Variants in TRIM48 observed in about 807,000 individuals in gnomAD.
TRIM48 encodes tripartite motif containing 48, also known as E3 ubiquitin-protein ligase TRIM48.
Under a neutral mutation model 29.5 loss-of-function variants are expected in TRIM48, and 31 were observed. That is an observed-to-expected ratio of 1.05 (90% CI 0.79 to 1.42). The LOEUF (loss-of-function observed/expected upper bound fraction) is 1.42. TRIM48 is among the 40% of genes most tolerant of loss of function. The pLI is 0.00. For missense variants in TRIM48, 344 were observed against 265.0 expected, an observed-to-expected ratio of 1.30 and a Z score of -2.07; for synonymous variants, 128 against 90.6, an observed-to-expected ratio of 1.41 and a Z score of -2.34.
chr11:55,271,089 T>C lies in TRIM48; in HGVS notation c.*654T>C, dbSNP rs1374165158. 5.7e-6 allele frequency: 6 copies of C among 1,052,282 alleles called. 1 individual carries two copies. The highest frequency in any genetic ancestry group is 4.9e-5 in the African/African-American group (3 of 61,168). The allele number at this position is 1,052,282 out of a possible 1,614,324, so 65.2% of individuals were successfully genotyped here. A position where few individuals can be genotyped will look rare whatever the true frequency, so the allele number is the denominator to read the frequency against. On this transcript the variant is annotated 3_prime_UTR_variant, in exon 6 of 6. Coordinates refer to ENST00000417545, the MANE Select transcript of TRIM48 (RefSeq NM_024114.5). ...TATTAAAACTCATTTATTGTGTTAC[T>C]ATTAAATGTAGTAAAAACACTAAAA... is the stretch of plus-strand genomic sequence containing the variant.
chr11:55,264,099 T>C (rs1391761934), intron 1 of TRIM48, among the ~76,000 whole-genome samples: 1 of 152,074 alleles, frequency 6.6e-6, no homozygotes, highest in Non-Finnish European at 1.5e-5. Flanking sequence ...ATACCTAAAA[T>C]TCACCATCAC....
chr11:55,265,011 G>A lies in TRIM48; in HGVS notation c.156G>A (p.Arg52=), dbSNP rs550212513. The A allele has an allele frequency of 2.6e-5, 41 of 1,584,556 alleles. 5 individuals carry two copies. The highest frequency in any genetic ancestry group is 1.4e-4 in the African/African-American group (10 of 73,694). The change falls in exon 2 of 6, where the codon AGG becomes AGA. Residue 52 remains arginine (R), a synonymous_variant. Transcript: ENST00000417545. Reference sequence around the variant, plus strand: ...TAGACTGTGGGCACAGCTTTTGCAGGCCCTGTTTCTACCTCAACTGGCAAG... The same window carrying A: ...TAGACTGTGGGCACAGCTTTTGCAGACCCTGTTTCTACCTCAACTGGCAAG... The part of the protein sequence containing the change: ...VTIDCGHSFC[R]PCFYLNWQDI...
chr11:55,262,650 T>C (rs1590619085), intron 1 of TRIM48, among the ~76,000 whole-genome samples: 1 of 152,114 alleles, frequency 6.6e-6, no homozygotes, highest in South Asian at 2.1e-4. Context: ...TACAATTGAA[T>C]TGAGAAGACA....
At chr11:55,268,781 G>A (rs1251914982) in intron 4 of TRIM48, among the ~76,000 whole-genome samples, 3 of 147,582 alleles carry the variant, frequency 2.0e-5, no homozygotes, top group African/African-American at 7.4e-5. Context: ...AAAAAACTAT[G>A]GAGTGTTAGA....
rs772031761 is a variant in TRIM48 at position 55,262,310 on chromosome 11, C to G, written c.43C>G (p.Arg15Gly). The change falls in exon 1 of 6, where the codon CGA becomes GGA. Residue 15 changes from arginine (R) to glycine (G), a missense_variant and splice_region_variant. By Grantham distance (125) the Arg-to-Gly change is moderately radical. Coordinates refer to ENST00000417545, the MANE Select transcript of TRIM48 (RefSeq NM_024114.5). ...IIVGTLQRTQRNMNSGISQVF... is the reference protein window; with the variant it reads ...IIVGTLQRTQGNMNSGISQVF... ...TGTGGGAACCCTTCAAAGAACCCAGCGGTGAGTGAAACTTATATTGATAAA... is the reference window on the plus strand; with the variant it reads ...TGTGGGAACCCTTCAAAGAACCCAGGGGTGAGTGAAACTTATATTGATAAA... 2 of 1,545,520 alleles carry G rather than the reference C, an allele frequency of 1.3e-6. No homozygotes were observed. Among genetic ancestry groups the G allele is most frequent in the Non-Finnish European group, 1.7e-6 (2 of 1,143,394 alleles).
Position 55,268,259 on chromosome 11 carries a change from C to A in TRIM48, c.556-91C>A. The A allele has an allele frequency of 1.0e-5, 12 of 1,151,514 alleles. 2 individuals carry two copies. The South Asian group carries it at 1.5e-4, about 15-fold the overall frequency. The allele number at this position is 1,151,514 out of a possible 1,614,324, so 71.3% of individuals were successfully genotyped here. A position where few individuals can be genotyped will look rare whatever the true frequency, so the allele number is the denominator to read the frequency against. On this transcript the variant is annotated intron_variant, in intron 3 of 5. Transcript: ENST00000417545. ...AGAGAAGAAGGTAGGGAAATAATAT[C>A]TTGAGGAACTGACTCCAAATTTCAC... is the stretch of plus-strand genomic sequence containing the variant.
intron 3 of TRIM48, among the ~76,000 whole-genome samples, chr11:55,265,928 A>C (rs1240975033): frequency 6.8e-6 from 1 of 147,724 alleles, no homozygotes; most frequent in Non-Finnish European, 1.5e-5. Flanking sequence ...ATTTGTTTTC[A>C]TACAAACCTG....
At chr11:55,270,210 T>C (rs1246908697) in intron 5 of TRIM48, among the ~76,000 whole-genome samples, 2 of 148,290 alleles carry the variant, frequency 1.3e-5, no homozygotes, top group African/African-American at 2.5e-5. Flanking sequence ...TGTCAGTATG[T>C]AAGTTTTCAA....
chr11:55,267,361 G>A, intron 3 of TRIM48: 1 of 1,523,036 alleles, frequency 6.6e-7, no homozygotes, highest in South Asian at 1.2e-5. Flanking sequence ...TTTAATAGGA[G>A]ATGGATATAT....
At position 55,263,608 on chromosome 11, in the gene TRIM48, G is replaced by A. The variant is rs113294578; in HGVS notation, c.45-1292G>A. 2.1e-4 allele frequency among the ~76,000 whole-genome samples: 32 copies of A among 152,258 alleles called. 1 individual carries two copies. The highest frequency in any genetic ancestry group is 6.2e-4 in the South Asian group (3 of 4,824). On this transcript the variant is annotated intron_variant, in intron 1 of 5. Transcript: ENST00000417545. ...ACCCAGGAGGTGGAGGTTGCAGTGA[G>A]CCGAGATTGCACCACTGCACTCCAG...
intron 5 of TRIM48, among the ~76,000 whole-genome samples, 186 bp downstream of exon 5, chr11:55,269,525 T>C (rs576343955): frequency 2.0e-5 from 3 of 148,162 alleles, no homozygotes; most frequent in Non-Finnish European, 3.0e-5. Context: ...GATTGAAAGA[T>C]AGTGAAAAAC....
rs1409192183 is a variant in TRIM48 at position 55,265,160 on chromosome 11, T to A, written c.305T>A (p.Leu102Gln). ...LARKASLWLF[L>Q]SSEEQMCGIH... The stretch of plus-strand genomic sequence containing the variant: ...AGAAAAGCCAGTCTCTGGCTATTCC[T>A]GAGCTCTGAGGAGCAAATGTGTGGC... Residue 102 changes from leucine (L) to glutamine (Q), a missense_variant, in exon 2 of 6, where the codon CTG becomes CAG. Leu to Gln is a moderately radical substitution (Grantham distance 113). Coordinates refer to ENST00000417545, the MANE Select transcript of TRIM48 (RefSeq NM_024114.5). The A allele has an allele frequency of 6.3e-7, 1 of 1,582,812 alleles. No homozygotes were observed. Among genetic ancestry groups the A allele is most frequent in the Non-Finnish European group, 8.6e-7 (1 of 1,166,192 alleles).
In TRIM48 at chr11:55,265,626, T is replaced by C. The variant is rs779455506; in HGVS notation, c.486T>C (p.Ser162=). Residue 162 remains serine, a synonymous_variant, in exon 3 of 6, where the codon TCT becomes TCC. Transcript: ENST00000417545. The stretch of plus-strand genomic sequence containing the variant: ...AGAAGCTTTTAAAGAAAATGCAGTC[T>C]TTATGGGAAAAAGCTTGTGAAAATC... ...HWEKLLKKMQ[S]LWEKACENQR... The C allele has an allele frequency of 6.3e-7, 1 of 1,582,132 alleles. No individual in the cohort carries two copies. The highest frequency in any genetic ancestry group is 1.4e-5 in the African/African-American group (1 of 73,264).
At chr11:55,268,197 T>C (rs116766678) in intron 3 of TRIM48, among the ~76,000 whole-genome samples, 153 bp from the exon 4 acceptor site, 1,523 of 147,422 alleles carry the variant, frequency 0.01, 127 homozygotes, top group African/African-American at 0.036. Context: ...ATTGACTGGG[T>C]TTTTCATTAC....
Position 55,265,463 on chromosome 11 carries a change from C to T in TRIM48, c.460-137C>T, listed in dbSNP as rs61014263. 2.9e-3 allele frequency: 4,337 copies of T among 1,480,028 alleles called. 429 individuals are homozygous for T. In the African/African-American group the frequency reaches 0.053, roughly 18 times the overall value. The allele number at this position is 1,480,028 out of a possible 1,614,324, so 91.7% of individuals were successfully genotyped here. ...TTAGCTTCAAACCTCTGAGATTTGA[C>T]GAGGAAGAAGTGAAACAGAAGAAAT... On this transcript the variant is annotated intron_variant, in intron 2 of 5. Coordinates refer to ENST00000417545, the MANE Select transcript of TRIM48 (RefSeq NM_024114.5).
At position 55,270,884 on chromosome 11, in the gene TRIM48, A is replaced by T; in HGVS notation, c.*449A>T. ...AGCTCCCCTATATACACCATCCCTA[A>T]TTGCTCCTTCTCACTTCCTCTCAGA... is the stretch of plus-strand genomic sequence containing the variant. On this transcript the variant is annotated 3_prime_UTR_variant, in exon 6 of 6. Transcript: ENST00000417545. The T allele has an allele frequency of 6.4e-7, 1 of 1,561,652 alleles. No individual in the cohort carries two copies. The highest frequency in any genetic ancestry group is 8.7e-7 in the Non-Finnish European group (1 of 1,148,000).
rs1350583151 is a variant in TRIM48, at chr11:55,264,389, C to T, written c.45-511C>T. 1.1e-4 allele frequency among the ~76,000 whole-genome samples: 16 copies of T among 147,736 alleles called. No homozygotes were observed. The Admixed American group carries it at 1.1e-3, about 10-fold the overall frequency. On this transcript the variant is annotated intron_variant, in intron 1 of 5. Coordinates refer to ENST00000417545, the MANE Select transcript of TRIM48 (RefSeq NM_024114.5). The stretch of plus-strand genomic sequence containing the variant: ...TATTTTCAGTCCTGAGATAAACGTG[C>T]AGGACATGCAGGCTTGTTACACAGG...
intron 1 of TRIM48, 36 bp downstream of exon 1, chr11:55,262,347 T>C (rs1457910519): frequency 8.3e-6 from 12 of 1,439,198 alleles, no homozygotes; most frequent in Non-Finnish European, 1.1e-5. Context: ...TTATATCTTC[T>C]TTCCTTTACA....
Position 55,270,453 on chromosome 11 carries a change from T to A in TRIM48, c.*18T>A. The A allele has an allele frequency of 1.3e-6, 2 of 1,519,180 alleles. No individual in the cohort carries two copies. Among genetic ancestry groups the A allele is most frequent in the Admixed American group, 1.8e-5 (1 of 54,992 alleles). 94.1% of individuals were successfully genotyped at this position (1,519,180 alleles called of 1,614,324 possible). The stretch of plus-strand genomic sequence containing the variant: ...ATTTTGCAGTGGATATTACTCTGCA[T>A]CACAATGAAGCCAACAGTCATATCT... On this transcript the variant is annotated 3_prime_UTR_variant, in exon 6 of 6. Coordinates refer to ENST00000417545, the MANE Select transcript of TRIM48 (RefSeq NM_024114.5).
Sources: allele counts gnomAD v4.1 joint callset (sites outside exome capture counted in the v4.1 genomes callset), GRCh38; gene constraint gnomAD v4.1.1; transcripts MANE v1.5; gene names NCBI Gene and HGNC (gene_info 2026-07-23, HGNC 2026-07-21).